The following BTBD9 variants were observed in gnomAD, a reference collection of about 807,000 sequenced individuals.
BTBD9 encodes BTB/POZ domain-containing protein 9.
BTBD9 carries 49 observed loss-of-function variants against 64.3 expected under a neutral mutation model. The ratio of observed to expected loss-of-function variants is 0.76; its 90% CI spans 0.61 to 0.97. BTBD9 has a LOEUF of 0.97. Among genes scored for constraint, BTBD9 ranks in the 50% least tolerant of loss-of-function variants. The pLI is 0.00. For synonymous variants in BTBD9, 260 were observed against 274.7 expected, an observed-to-expected ratio of 0.95 and a Z score of 0.53; for missense variants, 598 against 762.1, an observed-to-expected ratio of 0.78 and a Z score of 2.53.
At chr6:38,299,477 T>A (rs1762301187) in intron 7 of BTBD9, among the ~76,000 whole-genome samples, 1 of 152,216 alleles carries the variant, frequency 6.6e-6, no homozygotes, top group South Asian at 2.1e-4. Flanking sequence ...CCATCAACAG[T>A]GTAAAAGTGT....
intron 7 of BTBD9, among the ~76,000 whole-genome samples, chr6:38,293,031 T>C (rs1018280549): frequency 2.6e-5 from 4 of 152,200 alleles, no homozygotes; most frequent in Non-Finnish European, 5.9e-5. Context: ...TTTGTTCTCA[T>C]TGGTTTCAAA....
intron 8 of BTBD9, among the ~76,000 whole-genome samples, chr6:38,262,406 G>A (rs772237452): frequency 6.6e-5 from 10 of 151,832 alleles, no homozygotes; most frequent in Admixed American, 1.3e-4. Context: ...TATTATATAT[G>A]TTGTCTCCTC....
chr6:38,460,745 T>G (rs1770045310), intron 6 of BTBD9, among the ~76,000 whole-genome samples: 1 of 152,122 alleles, frequency 6.6e-6, no homozygotes, highest in Non-Finnish European at 1.5e-5. Context: ...TGCCTCAGCC[T>G]CCCAAGTAGC....
At chr6:38,196,114 T>C (rs1396483541) in intron 9 of BTBD9, among the ~76,000 whole-genome samples, 1 of 152,238 alleles carries the variant, frequency 6.6e-6, no homozygotes, top group Non-Finnish European at 1.5e-5. Context: ...CAGCAGGCTT[T>C]ACTCCTGGTC....
At chr6:38,224,404 G>A (rs1228648343) in intron 9 of BTBD9, among the ~76,000 whole-genome samples, 1 of 152,176 alleles carries the variant, frequency 6.6e-6, no homozygotes, top group Admixed American at 6.5e-5. Context: ...CTGGATGAGG[G>A]CCATCTCATT....
chr6:38,307,976 ACAAGTTCAC>A (rs972825169), intron 7 of BTBD9, among the ~76,000 whole-genome samples: 1 of 152,220 alleles, frequency 6.6e-6, no homozygotes, highest in African/African-American at 2.4e-5. Flanking sequence ...TCTCAAACAT[ACAAGTTCAC>A]CAGGATCAGT....
At chr6:38,550,811 C>T (rs1272036281) in intron 6 of BTBD9, among the ~76,000 whole-genome samples, 39 of 152,158 alleles carry the variant, frequency 2.6e-4, no homozygotes, top group Admixed American at 2.6e-3. Flanking sequence ...GTAGTTAGAA[C>T]AATCAAATCA....
intron 6 of BTBD9, among the ~76,000 whole-genome samples, chr6:38,494,361 G>A (rs1771847784): frequency 6.6e-6 from 1 of 152,040 alleles, no homozygotes; most frequent in South Asian, 2.1e-4. Flanking sequence ...TTTTCCCTCA[G>A]AAATATTCTG....
chr6:38,271,941 G>A (rs1333854657), intron 8 of BTBD9, among the ~76,000 whole-genome samples: 1 of 134,726 alleles, frequency 7.4e-6, no homozygotes, highest in Non-Finnish European at 1.6e-5. Flanking sequence ...TAAATTTCTG[G>A]TATTTCTCCT....
At chr6:38,542,306 T>C (rs1331690447) in intron 6 of BTBD9, among the ~76,000 whole-genome samples, 4 of 152,186 alleles carry the variant, frequency 2.6e-5, no homozygotes, top group Non-Finnish European at 5.9e-5. Context: ...ACAGTATGTC[T>C]TTTTTCCTGG....
Position 38,173,956 on chromosome 6 carries a change from C to A in BTBD9, c.*1029G>T. On this transcript the variant is annotated 3_prime_UTR_variant, in exon 11 of 11. Coordinates refer to ENST00000481247, the MANE Select transcript of BTBD9 (RefSeq NM_001099272.2). ...TTCTTGGAACTGCTATTTTTCAGTC[C>A]CCAGTTGAGTACTGTGGTGTGGGGG... 1 of 152,280 alleles carries A rather than the reference C, an allele frequency of 6.6e-6. No individual in the cohort carries two copies. The allele number at this position is 152,280 out of a possible 1,614,324, so 9.4% of individuals were successfully genotyped here.
At chr6:38,408,905 T>C (rs1767286244) in intron 6 of BTBD9, among the ~76,000 whole-genome samples, 1 of 152,174 alleles carries the variant, frequency 6.6e-6, no homozygotes, top group African/African-American at 2.4e-5. Flanking sequence ...TACGAAATTC[T>C]AATGCTTAGG....
rs183238325 is a variant in BTBD9 at position 38,618,167 on chromosome 6, T to C, written c.-27-20046A>G. 2.8e-3 allele frequency among the ~76,000 whole-genome samples: 433 copies of C among 152,210 alleles called. 5 individuals are homozygous for C. The highest frequency in any genetic ancestry group is 9.3e-3 in the African/African-American group (388 of 41,516). On this transcript the variant is annotated intron_variant, in intron 1 of 10. Coordinates refer to ENST00000481247, the MANE Select transcript of BTBD9 (RefSeq NM_001099272.2). ...GGGAAACACTCAGGTATCAACAAGC[T>C]CACCCTTGAAATGCATCCTAAGCCA...
intron 6 of BTBD9, among the ~76,000 whole-genome samples, chr6:38,387,960 C>G (rs1766250714): frequency 6.6e-6 from 1 of 152,170 alleles, no homozygotes; most frequent in Admixed American, 6.5e-5. Context: ...AATGCATGTA[C>G]TCACTTCACA....
intron 8 of BTBD9, among the ~76,000 whole-genome samples, chr6:38,284,264 G>A (rs1761633495): frequency 6.6e-6 from 1 of 152,088 alleles, no homozygotes. Context: ...CCTTTGGTGT[G>A]TTCATGCTCA....
intron 6 of BTBD9, among the ~76,000 whole-genome samples, chr6:38,461,630 T>C (rs796692001): frequency 5.3e-5 from 8 of 152,234 alleles, no homozygotes; most frequent in African/African-American, 1.9e-4. Context: ...AACATTTATG[T>C]GTAAGTCTTT....
chr6:38,340,806 C>G (rs72851404), intron 7 of BTBD9, among the ~76,000 whole-genome samples: 4,378 of 152,240 alleles, frequency 0.029, 100 homozygotes, highest in Non-Finnish European at 0.037. Flanking sequence ...AGGAAATAAT[C>G]ATCAATGGAT....
intron 9 of BTBD9, among the ~76,000 whole-genome samples, chr6:38,226,452 G>T (rs1351221664): frequency 6.6e-6 from 1 of 152,090 alleles, no homozygotes; most frequent in Non-Finnish European, 1.5e-5. Context: ...CAGGAAATGG[G>T]GCTTGGATGG....
intron 6 of BTBD9, among the ~76,000 whole-genome samples, chr6:38,413,308 C>T (rs1767520527): frequency 6.6e-6 from 1 of 152,198 alleles, no homozygotes; most frequent in African/African-American, 2.4e-5. Flanking sequence ...TATGCTTATA[C>T]TCACTGCAGT....
Sources: gnomAD v4.1 joint callset for allele counts (sites outside exome capture counted in the v4.1 genomes callset) on GRCh38, gnomAD v4.1.1 for gene constraint, MANE v1.5 for transcripts, NCBI Gene and HGNC (gene_info 2026-07-23, HGNC 2026-07-21) for gene names.